TRAPPC9: variants seen among roughly 807,000 people sequenced by gnomAD.
TRAPPC9 encodes trafficking protein particle complex subunit 9.
Under a neutral mutation model 124.0 loss-of-function variants are expected in TRAPPC9, and 83 were observed. That is an observed-to-expected ratio of 0.67 (90% CI 0.56 to 0.80). The LOEUF (loss-of-function observed/expected upper bound fraction) is 0.80. Ranked by LOEUF, TRAPPC9 falls within the 30% of genes least tolerant of loss-of-function variation. The probability of loss-of-function intolerance (pLI) is 0.00; values close to 1 mark genes in which losing one functional copy is unlikely to be tolerated. For synonymous variants in TRAPPC9, 638 were observed against 617.5 expected, an observed-to-expected ratio of 1.03 and a Z score of -0.49; for missense variants, 1,302 against 1,508.3, an observed-to-expected ratio of 0.86 and a Z score of 2.27.
intron 17 of TRAPPC9, among the ~76,000 whole-genome samples, chr8:140,042,199 A>G (rs1169052413): frequency 4.2e-5 from 4 of 95,382 alleles, no homozygotes; most frequent in Non-Finnish European, 8.6e-5. Context: ...TAGCCCAAAA[A>G]AGTGTATGTG....
chr8:140,377,444 G>T (rs886414156), intron 7 of TRAPPC9, among the ~76,000 whole-genome samples: 2 of 152,046 alleles, frequency 1.3e-5, no homozygotes, highest in Non-Finnish European at 2.9e-5. Context: ...GATTACAGGT[G>T]CCCGACGCCA....
At chr8:140,282,112 C>T (rs2065341793) in intron 14 of TRAPPC9, among the ~76,000 whole-genome samples, 1 of 152,190 alleles carries the variant, frequency 6.6e-6, no homozygotes, top group African/African-American at 2.4e-5. Flanking sequence ...GTCTATTGAA[C>T]ACATGAATGG....
At chr8:140,152,539 T>C (rs574871211) in intron 17 of TRAPPC9, among the ~76,000 whole-genome samples, 3 of 150,984 alleles carry the variant, frequency 2.0e-5, no homozygotes, top group Non-Finnish European at 4.4e-5. Context: ...TTTTTGTATT[T>C]TTTTTTTTTT....
At chr8:139,988,456 A>C (rs1837400853) in intron 19 of TRAPPC9, among the ~76,000 whole-genome samples, 1 of 151,156 alleles carries the variant, frequency 6.6e-6, no homozygotes, top group African/African-American at 2.4e-5. Flanking sequence ...AGATGCCCGG[A>C]TGCTGCTGGG....
intron 1 of TRAPPC9, 26 bp downstream of exon 1, chr8:140,457,613 C>T (rs1304099769): frequency 1.8e-5 from 18 of 985,696 alleles, no homozygotes; most frequent in African/African-American, 1.7e-5. Flanking sequence ...ATTGCCTGAC[C>T]GGGAGCCCCC....
chr8:140,085,633 CT>C (rs1356666064), intron 17 of TRAPPC9, among the ~76,000 whole-genome samples: 1 of 152,168 alleles, frequency 6.6e-6, no homozygotes, highest in Non-Finnish European at 1.5e-5. Flanking sequence ...ACCAATTCTG[CT>C]ATTTCAGAGT....
intron 21 of TRAPPC9, among the ~76,000 whole-genome samples, chr8:139,749,593 C>T (rs72683218): frequency 0.05 from 7,638 of 152,320 alleles, 235 homozygotes; most frequent in South Asian, 0.12. Flanking sequence ...CCTCACACAG[C>T]CCAGGGCTGA....
At chr8:139,876,387 G>A (rs927327549) in intron 21 of TRAPPC9, among the ~76,000 whole-genome samples, 1 of 152,214 alleles carries the variant, frequency 6.6e-6, no homozygotes, top group East Asian at 1.9e-4. Flanking sequence ...GAGGCCCATG[G>A]GTTCTGAGCC....
chr8:140,167,843 G>A (rs2061874518), intron 17 of TRAPPC9, among the ~76,000 whole-genome samples: 2 of 152,168 alleles, frequency 1.3e-5, no homozygotes, highest in African/African-American at 4.8e-5. Context: ...CCATTTTCTC[G>A]ATGATTAACT....
intron 16 of TRAPPC9, among the ~76,000 whole-genome samples, chr8:140,243,831 C>A (rs1450546949): frequency 6.6e-6 from 1 of 152,256 alleles, no homozygotes; most frequent in Non-Finnish European, 1.5e-5. Context: ...CCTAGAAATA[C>A]TGTTCTGTTT....
chr8:140,312,627 C>T (rs1294329724), intron 9 of TRAPPC9, among the ~76,000 whole-genome samples: 1 of 152,142 alleles, frequency 6.6e-6, no homozygotes, highest in Non-Finnish European at 1.5e-5. Flanking sequence ...AAGCCAAGTG[C>T]TCCACTGAGG....
intron 17 of TRAPPC9, among the ~76,000 whole-genome samples, chr8:140,121,895 A>G (rs905540678): frequency 6.6e-6 from 1 of 152,016 alleles, no homozygotes; most frequent in Admixed American, 6.6e-5. Flanking sequence ...TCTCCCCTTG[A>G]GGGTGTGGGT....
Position 139,825,247 on chromosome 8 carries a change from CCT to C in TRAPPC9, c.3055+60630_3055+60631del, listed in dbSNP as rs1273781561. On this transcript the variant is annotated intron_variant, in intron 21 of 22. Coordinates refer to ENST00000438773, the MANE Select transcript of TRAPPC9 (RefSeq NM_001160372.4). The surrounding 1 kb of genome is among the most constrained non-coding windows in gnomAD (Gnocchi z 4.6). ...ACGCAGGGTGGGCAGAGAAACGGCTCCTGTCTTTCAGGGAACTAGCCACTCCT... is the reference window on the plus strand; with the variant it reads ...ACGCAGGGTGGGCAGAGAAACGGCTCGTCTTTCAGGGAACTAGCCACTCCT... Among the ~76,000 whole-genome samples, 1 of 152,178 alleles carries C rather than the reference CCT, an allele frequency of 6.6e-6. No individual in the cohort carries two copies. Among genetic ancestry groups the C allele is most frequent in the Non-Finnish European group, 1.5e-5 (1 of 68,024 alleles).
At chr8:140,253,377 A>G (rs188887430) in intron 15 of TRAPPC9, among the ~76,000 whole-genome samples, 2 of 152,172 alleles carry the variant, frequency 1.3e-5, no homozygotes, top group East Asian at 3.9e-4. Context: ...CAAAAAGAGA[A>G]TAAAAAATCA....
chr8:140,243,452 A>G (rs2063912030), intron 16 of TRAPPC9, among the ~76,000 whole-genome samples: 1 of 152,230 alleles, frequency 6.6e-6, no homozygotes, highest in South Asian at 2.1e-4. Context: ...AAAAAGTGGC[A>G]TGTTGACAAC....
chr8:139,960,529 T>A (rs1263867159), intron 19 of TRAPPC9, among the ~76,000 whole-genome samples: 1 of 152,144 alleles, frequency 6.6e-6, no homozygotes, highest in Non-Finnish European at 1.5e-5. Context: ...TCAGGCCAGC[T>A]CCACTACTAC....
At chr8:140,072,205 A>G (rs887884537) in intron 17 of TRAPPC9, among the ~76,000 whole-genome samples, 2 of 152,188 alleles carry the variant, frequency 1.3e-5, no homozygotes, top group Non-Finnish European at 1.5e-5. Context: ...ACTTCAGTGC[A>G]TGTAAATTAT....
rs538653974 is a variant in TRAPPC9 at position 139,767,962 on chromosome 8, T to A, written c.3056-35760A>T. Among the ~76,000 whole-genome samples, 3 of 152,344 alleles carry A rather than the reference T, an allele frequency of 2.0e-5. No individual in the cohort carries two copies. The South Asian group carries it at 6.2e-4, about 32-fold the overall frequency. ...AAGTAGCAAACAGCCTTGAAAAATATACAGACCCTTTGACTCAGGGTCTAT... is the reference window on the plus strand; with the variant it reads ...AAGTAGCAAACAGCCTTGAAAAATAAACAGACCCTTTGACTCAGGGTCTAT... On this transcript the variant is annotated intron_variant, in intron 21 of 22. Coordinates refer to ENST00000438773, the MANE Select transcript of TRAPPC9 (RefSeq NM_001160372.4).
intron 17 of TRAPPC9, among the ~76,000 whole-genome samples, chr8:140,094,028 T>C (rs1844754842): frequency 6.6e-6 from 1 of 152,146 alleles, no homozygotes; most frequent in Non-Finnish European, 1.5e-5. Flanking sequence ...TCCCTTCCCT[T>C]GAAGAGCTGA....
Sources: gnomAD v4.1 joint callset for allele counts (sites outside exome capture counted in the v4.1 genomes callset) on GRCh38, gnomAD v4.1.1 for gene constraint, Gnocchi (gnomAD v3.1) non-coding constraint, MANE v1.5 for transcripts, NCBI Gene and HGNC (gene_info 2026-07-23, HGNC 2026-07-21) for gene names.